The following ERICH6B variants were observed in gnomAD, a reference collection of about 807,000 sequenced individuals.
The protein encoded by ERICH6B is glutamate-rich protein 6B.
A neutral mutation model predicts 80.0 loss-of-function variants in ERICH6B; 69 were observed. The ratio of observed to expected loss-of-function variants is 0.86; its 90% CI spans 0.71 to 1.05. The LOEUF is 1.05. ERICH6B is among the 50% of genes least tolerant of loss of function. The pLI, the probability that ERICH6B is intolerant of heterozygous loss-of-function variation, is 0.00. For synonymous variants in ERICH6B, 283 were observed against 291.9 expected, an observed-to-expected ratio of 0.97 and a Z score of 0.31; for missense variants, 754 against 796.1, an observed-to-expected ratio of 0.95 and a Z score of 0.64.
intron 2 of ERICH6B, 129 bp from the exon 3 acceptor site, chr13:45,597,192 A>G (rs1457183657): frequency 3.2e-6 from 2 of 615,514 alleles, no homozygotes; most frequent in Non-Finnish European, 5.3e-6. Context: ...AGATCAGTAC[A>G]TAGAGGCCAG....
chr13:45,542,268 A>C (rs1229335431), intron 14 of ERICH6B, among the ~76,000 whole-genome samples: 1 of 152,204 alleles, frequency 6.6e-6, no homozygotes, highest in African/African-American at 2.4e-5. Context: ...ATGTCTTCAC[A>C]CAATATTGTT....
In ERICH6B at chr13:45,580,670, T is replaced by G. The variant is rs1241025328; in HGVS notation, c.857-5A>C. On this transcript the variant is annotated splice_polypyrimidine_tract_variant and splice_region_variant and intron_variant, in intron 5 of 14. Transcript: ENST00000298738. The stretch of plus-strand genomic sequence containing the variant: ...ATTTCGATTTTAAAGATTTTACTGT[T>G]AAAAGGCAGAAGAGGGTGGCTATTA... 6.4e-7 allele frequency: 1 copy of G among 1,551,592 alleles called. No individual in the cohort carries two copies. Among genetic ancestry groups the G allele is most frequent in the Non-Finnish European group, 8.7e-7 (1 of 1,146,932 alleles).
intron 8 of ERICH6B, among the ~76,000 whole-genome samples, chr13:45,572,842 A>G (rs1875231769): frequency 6.6e-6 from 1 of 152,224 alleles, no homozygotes; most frequent in Non-Finnish European, 1.5e-5. Context: ...ACAAATGTCC[A>G]ATAATTGTGA....
chr13:45,608,928 C>A (rs1263169678), intron 1 of ERICH6B, among the ~76,000 whole-genome samples: 24 of 152,176 alleles, frequency 1.6e-4, no homozygotes, highest in Admixed American at 1.6e-3. Flanking sequence ...GATGAAGAAG[C>A]TTGGAGTCAC....
chr13:45,543,000 G>C (rs1026144825), intron 14 of ERICH6B, among the ~76,000 whole-genome samples: 1 of 152,180 alleles, frequency 6.6e-6, no homozygotes, highest in Non-Finnish European at 1.5e-5. Context: ...GCTGGAGTCT[G>C]CTATTATCAG....
chr13:45,614,457 C>T (rs761843332), intron 1 of ERICH6B, among the ~76,000 whole-genome samples: 15 of 152,284 alleles, frequency 9.9e-5, no homozygotes, highest in African/African-American at 2.2e-4. Flanking sequence ...GATGATCCAA[C>T]GGAAGGAGAG....
At chr13:45,607,186 G>A (rs1369385323) in intron 2 of ERICH6B, among the ~76,000 whole-genome samples, 1 of 152,196 alleles carries the variant, frequency 6.6e-6, no homozygotes, top group Non-Finnish European at 1.5e-5. Flanking sequence ...TCCCAATGGA[G>A]TTCTGGAAGG....
chr13:45,563,582 C>A, intron 10 of ERICH6B, 145 bp downstream of exon 10: 1 of 747,152 alleles, frequency 1.3e-6, no homozygotes, highest in South Asian at 1.6e-5. Context: ...TCATCCCTGG[C>A]AGCCAGGACC....
At chr13:45,558,820 T>C (rs1874544160) in intron 11 of ERICH6B, among the ~76,000 whole-genome samples, 1 of 152,224 alleles carries the variant, frequency 6.6e-6, no homozygotes, top group South Asian at 2.1e-4. Flanking sequence ...GATATGTTAT[T>C]GGATTCGGTT....
At chr13:45,583,952 C>T (rs778789777) in intron 5 of ERICH6B, among the ~76,000 whole-genome samples, 10 of 152,244 alleles carry the variant, frequency 6.6e-5, no homozygotes, top group Non-Finnish European at 1.2e-4. Flanking sequence ...TTCTCACCCA[C>T]ATTTCTATAC....
At chr13:45,553,021 C>T (rs573269287) in intron 11 of ERICH6B, 2 of 237,848 alleles carry the variant, frequency 8.4e-6, no homozygotes, top group Admixed American at 1.1e-4. Context: ...TTTTAGTTCT[C>T]TTGTTGTGAA....
chr13:45,560,986 C>T (rs922278693), intron 11 of ERICH6B, among the ~76,000 whole-genome samples: 5 of 152,192 alleles, frequency 3.3e-5, no homozygotes, highest in Non-Finnish European at 4.4e-5. Context: ...TATTTACAGG[C>T]GTGATCATAG....
At chr13:45,563,970 A>G (rs976091585) in intron 9 of ERICH6B, among the ~76,000 whole-genome samples, 182 bp from the exon 10 acceptor site, 1 of 152,200 alleles carries the variant, frequency 6.6e-6, no homozygotes, top group Non-Finnish European at 1.5e-5. Flanking sequence ...GGGATGGTGC[A>G]TGATATCCAT....
intron 13 of ERICH6B, among the ~76,000 whole-genome samples, chr13:45,549,228 G>A (rs1004224585): frequency 2.0e-5 from 3 of 151,672 alleles, no homozygotes; most frequent in Non-Finnish European, 4.4e-5. Context: ...AGGTTGCAAT[G>A]AGCCGAGATG....
At chr13:45,586,846 C>T (rs1003279907) in intron 5 of ERICH6B, among the ~76,000 whole-genome samples, 2 of 152,138 alleles carry the variant, frequency 1.3e-5, no homozygotes, top group African/African-American at 4.8e-5. Context: ...TGCTCTTTCT[C>T]TGAGGGGGGT....
chr13:45,582,310 T>C (rs112944272), intron 5 of ERICH6B, among the ~76,000 whole-genome samples: 35 of 152,330 alleles, frequency 2.3e-4, no homozygotes, highest in African/African-American at 8.2e-4. Context: ...CTTTCAGTTG[T>C]ATCTGGTTGT....
intron 13 of ERICH6B, among the ~76,000 whole-genome samples, chr13:45,549,435 C>G (rs1350892475): frequency 6.6e-6 from 1 of 152,118 alleles, no homozygotes; most frequent in Non-Finnish European, 1.5e-5. Context: ...AGATGGTTTT[C>G]CACCATTACC....
At chr13:45,597,153 G>T (rs1223172682) in intron 2 of ERICH6B, 90 bp from the exon 3 acceptor site, 2 of 933,654 alleles carry the variant, frequency 2.1e-6, no homozygotes, top group Non-Finnish European at 3.2e-6. Flanking sequence ...ATTTCATTCA[G>T]TAGTCTTTGG....
At chr13:45,573,991 C>T (rs1268155758) in intron 8 of ERICH6B, among the ~76,000 whole-genome samples, 1 of 152,048 alleles carries the variant, frequency 6.6e-6, no homozygotes, top group African/African-American at 2.4e-5. Flanking sequence ...TAATACGGTG[C>T]TGTAGAGAGG....
Sources: gnomAD v4.1 joint callset for allele counts (sites outside exome capture counted in the v4.1 genomes callset) on GRCh38, gnomAD v4.1.1 for gene constraint, MANE v1.5 for transcripts, NCBI Gene and HGNC (gene_info 2026-07-23, HGNC 2026-07-21) for gene names.